Variants in PRIM2 observed in about 807,000 individuals in gnomAD.
The protein encoded by PRIM2 is DNA primase subunit 2.
In PRIM2, 39 loss-of-function variants were observed where a neutral mutation model predicts 67.3. The observed-to-expected ratio is 0.58, with a 90% CI of 0.45 to 0.76. The LOEUF is 0.76. Ranked by LOEUF, PRIM2 falls within the 30% of genes least tolerant of loss-of-function variation. PRIM2 has a pLI of 0.00. For synonymous variants in PRIM2, 143 were observed against 198.7 expected, an observed-to-expected ratio of 0.72 and a Z score of 2.36; for missense variants, 398 against 598.7, an observed-to-expected ratio of 0.66 and a Z score of 3.50.
At position 57,411,141 on chromosome 6, in the gene PRIM2, C is replaced by T. The variant is rs1455721744; in HGVS notation, c.693+28973C>T. ...GTGGCACCTATCCCCCCAACTCTCT[C>T]TCTCTTGCTCCTGCTCTCACCATGT... is the stretch of plus-strand genomic sequence containing the variant. On this transcript the variant is annotated intron_variant, in intron 7 of 13. Coordinates refer to ENST00000615550, the MANE Select transcript of PRIM2 (RefSeq NM_000947.5). Among the ~76,000 whole-genome samples, 17 of 152,066 alleles carry T rather than the reference C, an allele frequency of 1.1e-4. 1 individual carries two copies. The highest frequency in any genetic ancestry group is 1.8e-4 in the Non-Finnish European group (12 of 67,974).
At chr6:57,509,141 C>T (rs1774308222) in intron 8 of PRIM2, among the ~76,000 whole-genome samples, 3 of 151,444 alleles carry the variant, frequency 2.0e-5, no homozygotes, top group Non-Finnish European at 4.4e-5. Flanking sequence ...TTCCTGCTCT[C>T]CAGTAACTGT....
the PRIM2 span, among the ~76,000 whole-genome samples, chr6:57,283,198 G>A: frequency 1.1e-4 from 16 of 152,124 alleles, no homozygotes; most frequent in Non-Finnish European, 1.2e-4. Flanking sequence ...CCACTCATAT[G>A]AAATGATCAA....
At chr6:57,345,506 G>GTGTGTGTGTGTGTACA (rs369673115) in intron 5 of PRIM2, among the ~76,000 whole-genome samples, 22,910 of 120,294 alleles carry the variant, frequency 0.19, 2,543 homozygotes, top group Middle Eastern at 0.3. Flanking sequence ...GTGTGTGTGT[G>GTGTGTGTGTGTGTACA]TACATACATA....
At chr6:57,509,371 C>G (rs1217552748) in intron 8 of PRIM2, among the ~76,000 whole-genome samples, 18 of 152,092 alleles carry the variant, frequency 1.2e-4, no homozygotes, top group Non-Finnish European at 2.2e-4. Context: ...ATTTTTGAGT[C>G]TCTTGCTTAA....
At chr6:57,500,408 C>T (rs1434073113) in intron 7 of PRIM2, among the ~76,000 whole-genome samples, 2 of 152,150 alleles carry the variant, frequency 1.3e-5, no homozygotes, top group Non-Finnish European at 2.9e-5. Flanking sequence ...AGGAATTAAC[C>T]AGTGTCAACA....
At chr6:57,486,482 C>A (rs1406509902) in intron 7 of PRIM2, among the ~76,000 whole-genome samples, 11 of 152,296 alleles carry the variant, frequency 7.2e-5, no homozygotes, top group African/African-American at 2.6e-4. Flanking sequence ...GGCAGGAAGA[C>A]CACGGAAAGC....
the PRIM2 span, among the ~76,000 whole-genome samples, chr6:57,293,071 A>T: frequency 6.6e-6 from 1 of 152,188 alleles, no homozygotes; most frequent in Non-Finnish European, 1.5e-5. Context: ...AATGGGAGAA[A>T]ATTTTTGCAA....
At chr6:57,436,997 A>C (rs1213233501) in intron 7 of PRIM2, among the ~76,000 whole-genome samples, 4 of 152,196 alleles carry the variant, frequency 2.6e-5, no homozygotes, top group Non-Finnish European at 5.9e-5. Flanking sequence ...TTTATAAAGA[A>C]AAGAGGTTTA....
the PRIM2 span, among the ~76,000 whole-genome samples, chr6:57,260,998 G>A: frequency 6.6e-6 from 1 of 152,196 alleles, no homozygotes; most frequent in African/African-American, 2.4e-5. Context: ...GTGAGAGGAG[G>A]GAATAGGCAC....
the PRIM2 span, among the ~76,000 whole-genome samples, chr6:57,298,189 G>A: frequency 2.6e-5 from 4 of 151,948 alleles, no homozygotes; most frequent in African/African-American, 7.3e-5. Flanking sequence ...GCGAAACCCC[G>A]TCTCTACTAA....
At chr6:57,335,694 C>G (rs1262955094) in intron 5 of PRIM2, among the ~76,000 whole-genome samples, 2 of 152,176 alleles carry the variant, frequency 1.3e-5, no homozygotes, top group Non-Finnish European at 2.9e-5. Context: ...AGGACAAACA[C>G]ACCAAAAACC....
chr6:57,598,458 G>A (rs1351224835), intron 10 of PRIM2, among the ~76,000 whole-genome samples: 2 of 152,070 alleles, frequency 1.3e-5, no homozygotes, highest in East Asian at 3.9e-4. Flanking sequence ...TTAGATTTTT[G>A]TCCAAGATTC....
intron 11 of PRIM2, among the ~76,000 whole-genome samples, chr6:57,601,736 T>G (rs1776471083): frequency 6.6e-6 from 1 of 152,242 alleles, no homozygotes; most frequent in African/African-American, 2.4e-5. Context: ...CTGAGTTATT[T>G]AAAAAGAAAA....
chr6:57,406,312 TCCA>T (rs1447626428), intron 7 of PRIM2, among the ~76,000 whole-genome samples: 5 of 152,172 alleles, frequency 3.3e-5, no homozygotes, highest in African/African-American at 1.2e-4. Context: ...ATGAGTACCG[TCCA>T]TGGTTTCTAA....
chr6:57,333,277 G>C (rs1768117544), intron 5 of PRIM2, among the ~76,000 whole-genome samples: 1 of 152,230 alleles, frequency 6.6e-6, no homozygotes, highest in East Asian at 1.9e-4. Context: ...TCAAACTTGA[G>C]TGTAGTTTGC....
At chr6:57,340,184 G>A (rs1285437245) in intron 5 of PRIM2, among the ~76,000 whole-genome samples, 2 of 152,140 alleles carry the variant, frequency 1.3e-5, no homozygotes, top group African/African-American at 2.4e-5. Context: ...TAGAATGGCA[G>A]TCATTAAAAA....
At chr6:57,310,339 C>T (rs1767356884), upstream of PRIM2, among the ~76,000 whole-genome samples, 1 of 152,208 alleles carries the variant, frequency 6.6e-6, no homozygotes, top group Non-Finnish European at 1.5e-5. Flanking sequence ...GTTGACACAG[C>T]ACATGTTTCA....
At chr6:57,355,383 A>G (rs1439329300) in intron 5 of PRIM2, among the ~76,000 whole-genome samples, 1 of 152,080 alleles carries the variant, frequency 6.6e-6, no homozygotes, top group African/African-American at 2.4e-5. Context: ...CTCCCTTTAT[A>G]GGTTACCAAA....
the PRIM2 span, among the ~76,000 whole-genome samples, chr6:57,263,842 C>T: frequency 2.0e-5 from 3 of 152,182 alleles, no homozygotes; most frequent in African/African-American, 7.2e-5. Context: ...TTTTGTGTCC[C>T]TGACAATACC....
Sources: gnomAD v4.1 joint callset for allele counts (sites outside exome capture counted in the v4.1 genomes callset) on GRCh38, gnomAD v4.1.1 for gene constraint, MANE v1.5 for transcripts, NCBI Gene and HGNC (gene_info 2026-07-23, HGNC 2026-07-21) for gene names.